The following CLRN1 variants were observed in gnomAD, a reference collection of about 807,000 sequenced individuals.
CLRN1 encodes clarin-1.
CLRN1 carries 15 observed loss-of-function variants against 18.7 expected under a neutral mutation model. That is an observed-to-expected ratio of 0.80 (90% CI 0.54 to 1.23). The LOEUF is 1.23. CLRN1 is among the 50% of genes most tolerant of loss of function. The probability of loss-of-function intolerance (pLI) is 0.00; values close to 1 mark genes in which losing one functional copy is unlikely to be tolerated. For missense variants in CLRN1, 311 were observed against 277.5 expected (o/e 1.12, Z -0.86); for synonymous variants, 104 against 102.9 (o/e 1.01, Z -0.07).
At position 150,927,988 on chromosome 3, in the gene CLRN1, G is replaced by T; in HGVS notation, c.647C>A (p.Ala216Glu). Residue 216 changes from alanine to glutamate, a missense_variant, in exon 3 of 3, where the codon GCA (alanine) becomes GAA (glutamate). Coordinates refer to ENST00000327047, the MANE Select transcript of CLRN1 (RefSeq NM_174878.3). ...IRLAGFQFPFAKSKDAETTNV... is the reference protein window; with the variant it reads ...IRLAGFQFPFEKSKDAETTNV... ...AGTTGTTTCTGCGTCTTTAGATTTTGCAAAAGGGAACTGAAATCCAGCAAG... is the reference window on the plus strand; with the variant it reads ...AGTTGTTTCTGCGTCTTTAGATTTTTCAAAAGGGAACTGAAATCCAGCAAG... 6.2e-7 allele frequency: 1 copy of T among 1,614,118 alleles called. No individual in the cohort carries two copies. Among genetic ancestry groups the T allele is most frequent in the Non-Finnish European group, 8.5e-7 (1 of 1,180,016 alleles).
intron 1 of CLRN1, among the ~76,000 whole-genome samples, chr3:150,955,909 GC>G (rs1211618367): frequency 1.3e-5 from 2 of 152,012 alleles, no homozygotes; most frequent in African/African-American, 4.8e-5. Flanking sequence ...AATATAAAAA[GC>G]AAAATTTTTC....
At chr3:150,940,430 TG>T (rs1254006815) in intron 2 of CLRN1, 1 of 1,489,170 alleles carries the variant, frequency 6.7e-7, no homozygotes, top group African/African-American at 1.4e-5. Context: ...CGTTTGTGGT[TG>T]GGGTTGAATT....
At chr3:150,954,666 C>T (rs1010337502) in intron 1 of CLRN1, among the ~76,000 whole-genome samples, 1 of 152,136 alleles carries the variant, frequency 6.6e-6, no homozygotes, top group Non-Finnish European at 1.5e-5. Context: ...AATGTCAAAT[C>T]TAAGAAGTCT....
chr3:150,967,465 C>G (rs1055300642), intron 1 of CLRN1, among the ~76,000 whole-genome samples: 1 of 151,992 alleles, frequency 6.6e-6, no homozygotes, highest in Non-Finnish European at 1.5e-5. Flanking sequence ...GACTAGACAA[C>G]AGGACCCCTA....
intron 1 of CLRN1, among the ~76,000 whole-genome samples, chr3:150,950,540 G>A (rs908313752): frequency 3.3e-5 from 5 of 152,024 alleles, no homozygotes; most frequent in Non-Finnish European, 5.9e-5. Context: ...TGCAGCCAAC[G>A]AACATGAAAA....
rs183250010 is a variant in CLRN1, at chr3:150,965,070, T to C, written c.253+7386A>G. Among the ~76,000 whole-genome samples, 134 of 152,294 alleles carry C rather than the reference T, an allele frequency of 8.8e-4. 1 individual carries two copies. Among genetic ancestry groups the C allele is most frequent in the Middle Eastern group, 3.4e-3 (1 of 294 alleles). On this transcript the variant is annotated intron_variant, in intron 1 of 2. Transcript: ENST00000327047. Reference sequence around the variant, plus strand: ...ATAATAAAAAAAACTTTAAAAAAGATAGTGAAATTGAAGGATAATCTTACA... The same window carrying C: ...ATAATAAAAAAAACTTTAAAAAAGACAGTGAAATTGAAGGATAATCTTACA...
chr3:150,931,849 A>G (rs1713172152), intron 2 of CLRN1, among the ~76,000 whole-genome samples: 2 of 152,148 alleles, frequency 1.3e-5, no homozygotes, highest in South Asian at 4.1e-4. Flanking sequence ...TGTCTATCTG[A>G]CCAACACTGC....
At chr3:150,946,439 T>C (rs868400692) in intron 1 of CLRN1, among the ~76,000 whole-genome samples, 1 of 152,162 alleles carries the variant, frequency 6.6e-6, no homozygotes, top group Non-Finnish European at 1.5e-5. Flanking sequence ...TGTACAAAAG[T>C]GGTAACATTG....
Position 150,927,979 on chromosome 3 carries a change from T to C in CLRN1, c.656A>G (p.Lys219Arg), listed in dbSNP as rs751193890. Residue 219 changes from lysine (K) to arginine (R), a missense_variant, in exon 3 of 3, where the codon AAA (lysine) becomes AGA (arginine). By Grantham distance (26) the Lys-to-Arg change is conservative. Coordinates refer to ENST00000327047, the MANE Select transcript of CLRN1 (RefSeq NM_174878.3). ...AGCTACATTAGTTGTTTCTGCGTCT[T>C]TAGATTTTGCAAAAGGGAACTGAAA... ...AGFQFPFAKS[K>R]DAETTNVAAD... The C allele has an allele frequency of 2.2e-5, 35 of 1,614,052 alleles. No individual in the cohort carries two copies. Among genetic ancestry groups the C allele is most frequent in the Non-Finnish European group, 2.9e-5 (34 of 1,180,034 alleles).
chr3:150,956,578 C>T (rs1024442400), intron 1 of CLRN1, among the ~76,000 whole-genome samples: 58 of 152,120 alleles, frequency 3.8e-4, no homozygotes, highest in African/African-American at 2.7e-4. Context: ...CCTCATTACT[C>T]GAGTCTGCTA....
intron 1 of CLRN1, among the ~76,000 whole-genome samples, chr3:150,967,746 G>T (rs1211879716): frequency 6.6e-6 from 1 of 152,190 alleles, no homozygotes; most frequent in African/African-American, 2.4e-5. Context: ...GGCAGGTCAG[G>T]TCAGCAAGAG....
At chr3:150,945,390 G>C in intron 1 of CLRN1, 1 of 633,898 alleles carries the variant, frequency 1.6e-6, no homozygotes, top group Non-Finnish European at 2.3e-6. Flanking sequence ...GTAGTCATCT[G>C]TACAAATGCA....
rs550409272 is a variant in CLRN1 at position 150,953,766 on chromosome 3, C to T, written c.254-12005G>A. On this transcript the variant is annotated intron_variant, in intron 1 of 2. Transcript: ENST00000327047. ...CTCCTGTCCTCAAGTGATCTGCCCA[C>T]CTCGGCCTCCCACAGTGCTGGGATT... is the stretch of plus-strand genomic sequence containing the variant. Among the ~76,000 whole-genome samples, 289 of 152,282 alleles carry T rather than the reference C, an allele frequency of 1.9e-3. 2 individuals carry two copies. The highest frequency in any genetic ancestry group is 6.3e-3 in the African/African-American group (263 of 41,558).
rs201686391 is a variant in CLRN1 at position 150,959,177 on chromosome 3, C to G, written c.253+13279G>C. 1.4e-4 allele frequency among the ~76,000 whole-genome samples: 22 copies of G among 152,260 alleles called. No homozygotes were observed. The East Asian group carries it at 3.7e-3, about 25-fold the overall frequency. ...AGATTCTGGGTTGTTGAACAAGTAT[C>G]CTCTAACTCTCTTCACATTCTCAGA... On this transcript the variant is annotated intron_variant, in intron 1 of 2. Coordinates refer to ENST00000327047, the MANE Select transcript of CLRN1 (RefSeq NM_174878.3).
chr3:150,971,107 G>A (rs1876745), intron 1 of CLRN1, among the ~76,000 whole-genome samples: 71,583 of 151,932 alleles, frequency 0.47, 17,053 homozygotes, highest in Non-Finnish European at 0.52. Flanking sequence ...TTTGGCTGCC[G>A]GTGACTCACG....
intron 1 of CLRN1, among the ~76,000 whole-genome samples, chr3:150,955,961 T>G (rs1714718632): frequency 1.3e-5 from 2 of 152,228 alleles, no homozygotes. Context: ...ATCTCACTAT[T>G]TCCTATATTA....
intron 2 of CLRN1, among the ~76,000 whole-genome samples, chr3:150,934,828 T>G (rs1160287641): frequency 6.6e-6 from 1 of 151,854 alleles, no homozygotes; most frequent in Non-Finnish European, 1.5e-5. Context: ...TTTCTCTTTC[T>G]CTCTCTCTGT....
At chr3:150,941,134 G>GTCTATCTATCTATCTA (rs147455281) in intron 2 of CLRN1, among the ~76,000 whole-genome samples, 1,548 of 131,674 alleles carry the variant, frequency 0.012, 25 homozygotes, top group East Asian at 0.021. Flanking sequence ...TTGTCTGTCT[G>GTCTATCTATCTATCTA]TCTGTCTATC....
chr3:150,969,863 C>G (rs1172069701), intron 1 of CLRN1, among the ~76,000 whole-genome samples: 1 of 152,050 alleles, frequency 6.6e-6, no homozygotes, highest in Non-Finnish European at 1.5e-5. Flanking sequence ...GTAGTCCCAG[C>G]TACTTGGGAG....
Sources: allele counts gnomAD v4.1 joint callset (sites outside exome capture counted in the v4.1 genomes callset), GRCh38; gene constraint gnomAD v4.1.1; transcripts MANE v1.5; gene names NCBI Gene and HGNC (gene_info 2026-07-23, HGNC 2026-07-21).